The following SFSWAP variants were observed in gnomAD, a reference collection of about 807,000 sequenced individuals.
SFSWAP encodes the protein splicing factor, suppressor of white-apricot homolog.
Under a neutral mutation model 100.7 loss-of-function variants are expected in SFSWAP, and 17 were observed. The observed-to-expected ratio is 0.17, with a 90% CI of 0.12 to 0.25. The LOEUF (loss-of-function observed/expected upper bound fraction) is 0.25. Ranked by LOEUF, SFSWAP falls within the 10% of genes least tolerant of loss-of-function variation. The pLI, the probability that SFSWAP is intolerant of heterozygous loss-of-function variation, is 1.00. For synonymous variants in SFSWAP, 504 were observed against 510.1 expected, an observed-to-expected ratio of 0.99 and a Z score of 0.16; for missense variants, 1,005 against 1,262.6, an observed-to-expected ratio of 0.80 and a Z score of 3.09.
chr12:131,714,907 C>T lies in SFSWAP; in HGVS notation c.474C>T (p.Tyr158=), dbSNP rs753744944. 86 of 1,613,952 alleles carry T rather than the reference C, an allele frequency of 5.3e-5. 1 individual carries two copies. In the Middle Eastern group the frequency reaches 9.9e-4, roughly 19 times the overall value. Residue 158 remains tyrosine, a synonymous_variant, in exon 3 of 18, where the codon TAC becomes TAT. Transcript: ENST00000261674. The surrounding 1 kb of genome is among the most constrained non-coding windows in gnomAD (Gnocchi z 6.0). ...AVGFTYGSDY[Y]DPSEPTEEEE... is the part of the protein sequence containing the mutation. ...GGTTCACTTACGGTAGCGACTATTACGACCCGTCAGAGCCGACGGAGGAGG... is the reference window on the plus strand; with the variant it reads ...GGTTCACTTACGGTAGCGACTATTATGACCCGTCAGAGCCGACGGAGGAGG...
chr12:131,739,536 CTTTTTTTTTTTTT>C lies in SFSWAP; in HGVS notation c.1081+11124_1081+11136del, dbSNP rs777610140. 1.1e-3 allele frequency among the ~76,000 whole-genome samples: 66 copies of C among 60,878 alleles called. 1 individual carries two copies. Among genetic ancestry groups the C allele is most frequent in the African/African-American group, 3.7e-3 (58 of 15,572 alleles). The allele number at this position is 60,878 out of a possible 152,430, so 39.9% of individuals were successfully genotyped here. On this transcript the variant is annotated intron_variant, in intron 7 of 17. Transcript: ENST00000261674. ...TTTGCATTCTATTATTCCCCAGTTG[CTTTTTTTTTTTTT>C]TTTTTTTTTTTTTTTGGATGGAGTC... is the stretch of plus-strand genomic sequence containing the variant.
At chr12:131,753,892 G>A (rs1441010945) in intron 8 of SFSWAP, among the ~76,000 whole-genome samples, 1 of 152,144 alleles carries the variant, frequency 6.6e-6, no homozygotes, top group Non-Finnish European at 1.5e-5. Context: ...TGAGACAGGC[G>A]CTTTACCAGT....
chr12:131,787,914 T>TA (rs975537284), intron 15 of SFSWAP, among the ~76,000 whole-genome samples: 1 of 152,232 alleles, frequency 6.6e-6, no homozygotes, highest in African/African-American at 2.4e-5. Flanking sequence ...AGCGGATAGA[T>TA]ACCAGCAATG....
chr12:131,787,324 C>T (rs1280405614), intron 15 of SFSWAP, among the ~76,000 whole-genome samples: 1 of 152,220 alleles, frequency 6.6e-6, no homozygotes, highest in African/African-American at 2.4e-5. Context: ...TAGCTGTGGA[C>T]GGCCACCTCC....
chr12:131,785,058 G>A (rs1325917678), intron 14 of SFSWAP: 6 of 1,530,584 alleles, frequency 3.9e-6, no homozygotes, highest in Non-Finnish European at 5.2e-6. Context: ...TGAAGTGTGT[G>A]CCTCCGTGTC....
chr12:131,752,519 C>T (rs1244098593), intron 7 of SFSWAP, among the ~76,000 whole-genome samples: 2 of 152,224 alleles, frequency 1.3e-5, no homozygotes, highest in Non-Finnish European at 2.9e-5. Context: ...CCAGACACAG[C>T]CTCAGTGCCC....
At position 131,714,640 on chromosome 12, in the gene SFSWAP, A is replaced by G; in HGVS notation, c.389-182A>G. 1.6e-6 allele frequency: 1 copy of G among 610,064 alleles called. No homozygotes were observed. The highest frequency in any genetic ancestry group is 2.8e-6 in the Non-Finnish European group (1 of 354,254). The allele number at this position is 610,064 out of a possible 1,614,324, so 37.8% of individuals were successfully genotyped here. A position where few individuals can be genotyped will look rare whatever the true frequency, so the allele number is the denominator to read the frequency against. The stretch of plus-strand genomic sequence containing the variant: ...TGTATTCAGCTGTCTGTGGGTAAAC[A>G]TGTACTGACAAAAGTACATAATGAT... On this transcript the variant is annotated intron_variant, in intron 2 of 17. Transcript: ENST00000261674. The surrounding 1 kb of genome is among the most constrained non-coding windows in gnomAD (Gnocchi z 6.0).
chr12:131,771,691 G>A (rs1290458869), intron 13 of SFSWAP, among the ~76,000 whole-genome samples: 2 of 120,194 alleles, frequency 1.7e-5, no homozygotes, highest in African/African-American at 3.3e-5. Flanking sequence ...GTCTCGCTCT[G>A]TCTCCAGGCT....
At chr12:131,790,961 G>C (rs1396340356) in intron 15 of SFSWAP, among the ~76,000 whole-genome samples, 1 of 152,192 alleles carries the variant, frequency 6.6e-6, no homozygotes, top group Non-Finnish European at 1.5e-5. Context: ...TGAAACAGCA[G>C]AAAAGGGCAG....
At chr12:131,731,398 T>C (rs1451674532) in intron 7 of SFSWAP, among the ~76,000 whole-genome samples, 1 of 152,224 alleles carries the variant, frequency 6.6e-6, no homozygotes, top group Non-Finnish European at 1.5e-5. Context: ...TGTTGAAGTT[T>C]CGTGGGTGAA....
At chr12:131,777,755 A>T (rs1234937015) in intron 13 of SFSWAP, among the ~76,000 whole-genome samples, 3 of 152,022 alleles carry the variant, frequency 2.0e-5, no homozygotes, top group African/African-American at 7.2e-5. Flanking sequence ...AAAGGAACGT[A>T]TTTTTTCCCA....
Position 131,711,860 on chromosome 12 carries a change from G to A in SFSWAP, c.218+413G>A. On this transcript the variant is annotated intron_variant, in intron 1 of 17. Coordinates refer to ENST00000261674, the MANE Select transcript of SFSWAP (RefSeq NM_004592.4). This position sits in a 1 kb window ranked among gnomAD's most constrained non-coding sequence, Gnocchi z 4.9. ...ACTTGCCGCGCTCTCACTGCTCGGT[G>A]TACTGGGAGGGTACCCTGGGAGGCG... The A allele has an allele frequency of 4.9e-6, 1 of 205,404 alleles. No individual in the cohort carries two copies. Among genetic ancestry groups the A allele is most frequent in the South Asian group, 7.0e-5 (1 of 14,388 alleles). 12.7% of individuals were successfully genotyped at this position (205,404 alleles called of 1,614,324 possible).
Position 131,738,524 on chromosome 12 carries a change from G to C in SFSWAP, c.1081+10096G>C, listed in dbSNP as rs781074470. Reference sequence around the variant, plus strand: ...TAAACTTAATTTTACTTAAACAGAAGAGCCTGCAATCTAAAAATGAAGTAA... The same window carrying C: ...TAAACTTAATTTTACTTAAACAGAACAGCCTGCAATCTAAAAATGAAGTAA... On this transcript the variant is annotated intron_variant, in intron 7 of 17. Transcript: ENST00000261674. 2.0e-5 allele frequency among the ~76,000 whole-genome samples: 3 copies of C among 152,314 alleles called. No homozygotes were observed. The Middle Eastern group carries it at 0.01, about 518-fold the overall frequency.
At chr12:131,785,316 G>C in intron 14 of SFSWAP, 1 of 1,280,308 alleles carries the variant, frequency 7.8e-7, no homozygotes, top group South Asian at 1.4e-5. Context: ...TCCGTTAAAG[G>C]GCAGCCACTC....
chr12:131,728,360 C>T lies in SFSWAP; in HGVS notation c.1013C>T (p.Ser338Phe). ...GTTCGTAAGGCACAGGCTGACAGTTCCACTCCCACCCCACACAACGCAGAC... is the reference window on the plus strand; with the variant it reads ...GTTCGTAAGGCACAGGCTGACAGTTTCACTCCCACCCCACACAACGCAGAC... ...ALVRKAQADS[S>F]TPTPHNADGA... Residue 338 changes from serine to phenylalanine, a missense_variant, in exon 7 of 18, where the codon TCC becomes TTC. Transcript: ENST00000261674. The T allele has an allele frequency of 6.2e-7, 1 of 1,614,192 alleles. No homozygotes were observed.
intron 7 of SFSWAP, among the ~76,000 whole-genome samples, chr12:131,751,248 A>G (rs1016406170): frequency 1.3e-4 from 20 of 152,240 alleles, no homozygotes; most frequent in African/African-American, 4.3e-4. Flanking sequence ...GAGCTGCATA[A>G]TATGTACTAC....
Position 131,714,767 on chromosome 12 carries a change from A to T in SFSWAP, c.389-55A>T. Reference sequence around the variant, plus strand: ...TAGCTACAACTTTAGAAATATATAAAGTTTTTCTCAGTAATTTTCTATTTT... The same window carrying T: ...TAGCTACAACTTTAGAAATATATAATGTTTTTCTCAGTAATTTTCTATTTT... On this transcript the variant is annotated intron_variant, in intron 2 of 17. Transcript: ENST00000261674. The surrounding 1 kb of genome is among the most constrained non-coding windows in gnomAD (Gnocchi z 6.0). 1 of 1,515,170 alleles carries T rather than the reference A, an allele frequency of 6.6e-7. No homozygotes were observed. Among genetic ancestry groups the T allele is most frequent in the Non-Finnish European group, 9.1e-7 (1 of 1,096,898 alleles). 93.9% of individuals were successfully genotyped at this position (1,515,170 alleles called of 1,614,324 possible). A position where few individuals can be genotyped will look rare whatever the true frequency, so the allele number is the denominator to read the frequency against.
At chr12:131,783,701 C>G (rs1324452708) in intron 14 of SFSWAP, 1 of 150,136 alleles carries the variant, frequency 6.7e-6, no homozygotes, top group Non-Finnish European at 1.5e-5. Context: ...ATGGCGTGAA[C>G]CCGGGAGGCG....
intron 7 of SFSWAP, among the ~76,000 whole-genome samples, chr12:131,731,417 A>G (rs951570797): frequency 4.6e-5 from 7 of 152,228 alleles, no homozygotes; most frequent in African/African-American, 1.2e-4. Flanking sequence ...AAAGTCCCTC[A>G]TGACCTCGTC....
Sources: gnomAD v4.1 joint callset for allele counts (sites outside exome capture counted in the v4.1 genomes callset) on GRCh38, gnomAD v4.1.1 for gene constraint, Gnocchi (gnomAD v3.1) non-coding constraint, MANE v1.5 for transcripts, NCBI Gene and HGNC (gene_info 2026-07-23, HGNC 2026-07-21) for gene names.